Variants in MAML3 observed in about 807,000 individuals in gnomAD.
MAML3 encodes the protein mastermind like transcriptional coactivator 3, also known as mastermind-like protein 3.
A neutral mutation model predicts 101.9 loss-of-function variants in MAML3; 27 were observed. The observed-to-expected ratio is 0.27, with a 90% confidence interval of 0.20 to 0.37. MAML3 has a LOEUF of 0.37. MAML3 is among the 10% of genes least tolerant of loss of function. MAML3 has a pLI of 1.00. For synonymous variants in MAML3, 501 were observed against 555.9 expected (o/e 0.90, Z 1.39); for missense variants, 1,316 against 1,444.9 (o/e 0.91, Z 1.45).
At chr4:139,904,994 G>A (rs957158251) in intron 1 of MAML3, among the ~76,000 whole-genome samples, 6 of 152,246 alleles carry the variant, frequency 3.9e-5, no homozygotes, top group Non-Finnish European at 1.5e-5. Context: ...TGACTGAAAT[G>A]TCATTATGTA....
chr4:139,753,680 A>G (rs1444812558), intron 2 of MAML3, among the ~76,000 whole-genome samples: 2 of 152,220 alleles, frequency 1.3e-5, no homozygotes, highest in Non-Finnish European at 2.9e-5. Flanking sequence ...GTGAGAATTA[A>G]TAAGTTTACA....
Position 139,785,168 on chromosome 4 carries a change from C to T in MAML3, c.2080-54501G>A, listed in dbSNP as rs756322807. Among the ~76,000 whole-genome samples, 6 of 152,230 alleles carry T rather than the reference C, an allele frequency of 3.9e-5. No homozygotes were observed. Among genetic ancestry groups the T allele is most frequent in the Admixed American group, 1.3e-4 (2 of 15,292 alleles). ...TACCTGGATTCCTAACTGACAGACA[C>T]CCAGCCACATGGCTCCTGGGTGCTC... On this transcript the variant is annotated intron_variant, in intron 2 of 4. Coordinates refer to ENST00000509479, the MANE Select transcript of MAML3 (RefSeq NM_018717.5). The surrounding 1 kb of genome is among the most constrained non-coding windows in gnomAD (Gnocchi z 4.3).
intron 1 of MAML3, among the ~76,000 whole-genome samples, chr4:139,913,586 A>G (rs1048708142): frequency 1.3e-5 from 2 of 152,154 alleles, no homozygotes; most frequent in Admixed American, 6.5e-5. Context: ...GCTGTCGGTT[A>G]TGTACTCCTG....
At chr4:139,817,718 CT>C (rs1244806171) in intron 2 of MAML3, among the ~76,000 whole-genome samples, 2 of 152,198 alleles carry the variant, frequency 1.3e-5, no homozygotes, top group African/African-American at 2.4e-5. Context: ...CCTTGAAACT[CT>C]TCAGTGACTT....
chr4:139,855,084 G>A (rs937553678), intron 2 of MAML3, among the ~76,000 whole-genome samples: 48 of 152,234 alleles, frequency 3.2e-4, no homozygotes, highest in African/African-American at 1.0e-3. Flanking sequence ...CTGCATCTTC[G>A]GCTCCATCTC....
At chr4:139,737,426 G>A (rs1728989378) in intron 2 of MAML3, among the ~76,000 whole-genome samples, 1 of 151,846 alleles carries the variant, frequency 6.6e-6, no homozygotes, top group Non-Finnish European at 1.5e-5. Flanking sequence ...TCTAAATTGA[G>A]CGGACCACCC....
intron 2 of MAML3, among the ~76,000 whole-genome samples, chr4:139,864,607 C>T (rs1029645950): frequency 2.2e-4 from 27 of 124,800 alleles, no homozygotes; most frequent in Non-Finnish European, 3.0e-4. Context: ...ACCTGGGAGG[C>T]GGAGGTTGCA....
intron 1 of MAML3, among the ~76,000 whole-genome samples, chr4:139,958,038 T>C (rs1224801450): frequency 1.3e-5 from 2 of 152,244 alleles, no homozygotes; most frequent in African/African-American, 4.8e-5. Context: ...GGAAAATTAC[T>C]AAGTTTTCCT....
chr4:139,721,298 A>G (rs1203906788), intron 4 of MAML3, among the ~76,000 whole-genome samples: 5 of 152,210 alleles, frequency 3.3e-5, no homozygotes, highest in Admixed American at 3.3e-4. Flanking sequence ...AGGGAATGGA[A>G]ATGTCGCCAG....
intron 1 of MAML3, among the ~76,000 whole-genome samples, chr4:139,897,205 C>A (rs1732631232): frequency 1.3e-5 from 2 of 152,294 alleles, no homozygotes; most frequent in Admixed American, 6.5e-5. Context: ...CTCTAGTAAA[C>A]CACCATATTC....
chr4:139,896,559 C>T (rs1218170509), intron 1 of MAML3, among the ~76,000 whole-genome samples: 2 of 150,996 alleles, frequency 1.3e-5, no homozygotes, highest in East Asian at 1.9e-4. Context: ...ATGGCTCCAG[C>T]GCAAGTCCCT....
chr4:139,950,968 G>A (rs1560846703), intron 1 of MAML3, among the ~76,000 whole-genome samples: 2 of 152,160 alleles, frequency 1.3e-5, no homozygotes, highest in Non-Finnish European at 1.5e-5. Flanking sequence ...CAACCTCATT[G>A]CCCTAATGAC....
intron 2 of MAML3, among the ~76,000 whole-genome samples, chr4:139,791,491 A>C (rs1393676209): frequency 7.9e-6 from 1 of 126,634 alleles, no homozygotes; most frequent in Non-Finnish European, 1.7e-5. Context: ...AGACAGAGTG[A>C]GACTCCATCT....
intron 2 of MAML3, among the ~76,000 whole-genome samples, chr4:139,854,171 T>G (rs566315862): frequency 2.6e-5 from 4 of 152,130 alleles, no homozygotes; most frequent in Admixed American, 2.0e-4. Flanking sequence ...CCTGAAAAAC[T>G]GAGGAATATA....
intron 2 of MAML3, among the ~76,000 whole-genome samples, chr4:139,817,378 G>A (rs1730909178): frequency 6.6e-6 from 1 of 152,100 alleles, no homozygotes; most frequent in Non-Finnish European, 1.5e-5. Flanking sequence ...CCAGGGTCTA[G>A]GTTATACCTC....
chr4:139,858,488 A>G (rs1247210781), intron 2 of MAML3, among the ~76,000 whole-genome samples: 1 of 145,910 alleles, frequency 6.9e-6, no homozygotes, highest in Non-Finnish European at 1.5e-5. Context: ...GCCAATGGAA[A>G]TTATTCCATT....
intron 2 of MAML3, among the ~76,000 whole-genome samples, chr4:139,802,386 G>T (rs1730625629): frequency 6.6e-6 from 1 of 152,066 alleles, no homozygotes. Flanking sequence ...CTATCCAGTT[G>T]CATCTGTTCA....
intron 1 of MAML3, among the ~76,000 whole-genome samples, chr4:140,089,802 G>T (rs2110979656): frequency 6.6e-6 from 1 of 152,286 alleles, no homozygotes; most frequent in East Asian, 1.9e-4. Context: ...TGAGGGTGGG[G>T]TAAGAGAACT....
At chr4:140,110,565 T>C (rs1408586435) in intron 1 of MAML3, among the ~76,000 whole-genome samples, 1 of 152,204 alleles carries the variant, frequency 6.6e-6, no homozygotes, top group African/African-American at 2.4e-5. Context: ...AAAAGTGAAC[T>C]TTGACCAGCA....
Sources: allele counts gnomAD v4.1 joint callset (sites outside exome capture counted in the v4.1 genomes callset), GRCh38; gene constraint gnomAD v4.1.1; non-coding constraint Gnocchi (gnomAD v3.1); transcripts MANE v1.5; gene names NCBI Gene and HGNC (gene_info 2026-07-23, HGNC 2026-07-21).